The following IKZF3 variants were observed in gnomAD, a reference collection of about 807,000 sequenced individuals.
IKZF3 encodes the protein zinc finger protein Aiolos.
IKZF3 carries 10 observed loss-of-function variants against 49.0 expected under a neutral mutation model. That is an observed-to-expected ratio of 0.20 (90% CI 0.13 to 0.35). The LOEUF is 0.35. Among genes scored for constraint, IKZF3 ranks in the 10% least tolerant of loss-of-function variants. The probability of loss-of-function intolerance (pLI) is 1.00; values close to 1 mark genes in which losing one functional copy is unlikely to be tolerated. For synonymous variants in IKZF3, 209 were observed against 228.2 expected, an observed-to-expected ratio of 0.92 and a Z score of 0.76; for missense variants, 498 against 664.8, an observed-to-expected ratio of 0.75 and a Z score of 2.76.
intron 3 of IKZF3, among the ~76,000 whole-genome samples, chr17:39,824,235 C>G (rs1313794807): frequency 6.6e-6 from 1 of 152,202 alleles, no homozygotes; most frequent in East Asian, 1.9e-4. Flanking sequence ...GGATTCCGGA[C>G]TTGCATGGGG....
At chr17:39,800,382 A>T (rs1324109381) in intron 3 of IKZF3, among the ~76,000 whole-genome samples, 3 of 152,128 alleles carry the variant, frequency 2.0e-5, no homozygotes, top group African/African-American at 4.8e-5. Context: ...GCCTTTTTGT[A>T]CATATGATCT....
intron 1 of IKZF3, among the ~76,000 whole-genome samples, chr17:39,840,141 C>A (rs1403595785): frequency 1.3e-5 from 2 of 152,172 alleles, no homozygotes; most frequent in Non-Finnish European, 2.9e-5. Context: ...GTCACCTTTG[C>A]AGAAGTATAA....
At chr17:39,781,534 C>T (rs958875320) in intron 6 of IKZF3, among the ~76,000 whole-genome samples, 1 of 152,186 alleles carries the variant, frequency 6.6e-6, no homozygotes, top group Non-Finnish European at 1.5e-5. Flanking sequence ...GTGGTCCCTC[C>T]TCTCACTGCC....
intron 3 of IKZF3, among the ~76,000 whole-genome samples, chr17:39,799,052 C>A (rs1462994922): frequency 2.0e-5 from 3 of 151,520 alleles, no homozygotes; most frequent in South Asian, 2.1e-4. Context: ...CACTGCTTAA[C>A]CTGTATCTGT....
chr17:39,863,521 AG>A (rs1408707979), intron 1 of IKZF3, among the ~76,000 whole-genome samples: 1 of 152,194 alleles, frequency 6.6e-6, no homozygotes, highest in Non-Finnish European at 1.5e-5. Flanking sequence ...AGGTATCCCA[AG>A]GAAGTACAGA....
chr17:39,835,399 A>G, intron 1 of IKZF3: 1 of 472,404 alleles, frequency 2.1e-6, no homozygotes, highest in Admixed American at 2.3e-5. Context: ...CCACACATAC[A>G]CAATGGCGGC....
intron 6 of IKZF3, among the ~76,000 whole-genome samples, chr17:39,779,844 T>C (rs975205360): frequency 1.3e-5 from 2 of 152,116 alleles, no homozygotes; most frequent in Admixed American, 1.3e-4. Flanking sequence ...AAATGAACTA[T>C]CCATACATTT....
At chr17:39,814,977 C>G (rs149302787) in intron 3 of IKZF3, among the ~76,000 whole-genome samples, 54 of 152,190 alleles carry the variant, frequency 3.5e-4, no homozygotes, top group African/African-American at 1.2e-3. Context: ...GTACTTTTTA[C>G]CCCTACAGCA....
At chr17:39,821,051 A>C (rs1175207462) in intron 3 of IKZF3, among the ~76,000 whole-genome samples, 1 of 152,064 alleles carries the variant, frequency 6.6e-6, no homozygotes, top group African/African-American at 2.4e-5. Context: ...TAAGTAAAGA[A>C]ACTTTTTGAG....
chr17:39,793,714 AG>A (rs1380194667), intron 3 of IKZF3, among the ~76,000 whole-genome samples: 1 of 152,244 alleles, frequency 6.6e-6, no homozygotes, highest in African/African-American at 2.4e-5. Flanking sequence ...ATTGTGTAAT[AG>A]GACTGGATAG....
Position 39,788,310 on chromosome 17 carries a change from C to T in IKZF3, c.657G>A (p.Glu219=). The change falls in exon 6 of 8, where the codon GAG becomes GAA. Residue 219 remains glutamate, a synonymous_variant. Transcript: ENST00000346872. ...GAAATGTACGGCAGCGCTCCTTGTG[C>T]TCCTCAAGGGAACTTCTCTGCTTGT... ...RSYKQRSSLE[E]HKERCRTFLQ... The T allele has an allele frequency of 2.5e-6, 4 of 1,613,902 alleles. No homozygotes were observed. Among genetic ancestry groups the T allele is most frequent in the Non-Finnish European group, 2.5e-6 (3 of 1,179,864 alleles).
At chr17:39,807,678 C>T (rs1235572544) in intron 3 of IKZF3, among the ~76,000 whole-genome samples, 1 of 148,770 alleles carries the variant, frequency 6.7e-6, no homozygotes, top group African/African-American at 2.5e-5. Context: ...GAGATCCCAT[C>T]TCAAAAATTT....
intron 1 of IKZF3, among the ~76,000 whole-genome samples, chr17:39,848,572 T>C (rs148809406): frequency 1.1e-4 from 16 of 152,306 alleles, no homozygotes; most frequent in African/African-American, 3.6e-4. Context: ...GAGCCAAAAA[T>C]AGAATCATTA....
In IKZF3 at chr17:39,766,009, G is replaced by A. The variant is rs2143564371; in HGVS notation, c.1311C>T (p.Asp437=). The part of the protein sequence containing the change: ...LLKPPPICPR[D]SVKVINKEGE... The stretch of plus-strand genomic sequence containing the variant: ...CTTCCTTGTTGATCACTTTGACGGA[G>A]TCTCTTGGGCAGATGGGCGGGGGCT... The change falls in exon 8 of 8, where the codon GAC becomes GAT. Residue 437 remains aspartate, a synonymous_variant. Transcript: ENST00000346872. 6.2e-7 allele frequency: 1 copy of A among 1,614,222 alleles called. No homozygotes were observed. The highest frequency in any genetic ancestry group is 8.5e-7 in the Non-Finnish European group (1 of 1,180,030).
chr17:39,761,507 A>C lies in IKZF3; in HGVS notation c.*4283T>G, dbSNP rs925788612. The C allele has an allele frequency of 6.6e-6, 1 of 152,048 alleles. No individual in the cohort carries two copies. The highest frequency in any genetic ancestry group is 2.4e-5 in the African/African-American group (1 of 41,332). The allele number at this position is 152,048 out of a possible 1,614,324, so 9.4% of individuals were successfully genotyped here. ...TGAGGCAGGATTGCTTGAGCACAGG[A>C]GTTTGAGTCTGGCCTAGGCAACATA... On this transcript the variant is annotated 3_prime_UTR_variant, in exon 8 of 8. Transcript: ENST00000346872.
At chr17:39,777,293 T>C (rs576294327) in intron 7 of IKZF3, among the ~76,000 whole-genome samples, 15 of 152,338 alleles carry the variant, frequency 9.8e-5, no homozygotes, top group African/African-American at 3.6e-4. Flanking sequence ...AAAATATAAT[T>C]ACAAAAGATT....
At chr17:39,781,517 G>C (rs768006880) in intron 6 of IKZF3, among the ~76,000 whole-genome samples, 1 of 152,158 alleles carries the variant, frequency 6.6e-6, no homozygotes, top group Admixed American at 6.5e-5. Context: ...GTTCTTATTA[G>C]TCTATTGTGG....
At chr17:39,798,538 C>T (rs2061233001) in intron 3 of IKZF3, among the ~76,000 whole-genome samples, 1 of 146,922 alleles carries the variant, frequency 6.8e-6, no homozygotes, top group African/African-American at 2.5e-5. Flanking sequence ...CGGAGTCTTT[C>T]TCTGTCTCTC....
At chr17:39,814,364 C>A (rs886995274) in intron 3 of IKZF3, among the ~76,000 whole-genome samples, 5 of 152,086 alleles carry the variant, frequency 3.3e-5, no homozygotes, top group Admixed American at 3.3e-4. Flanking sequence ...CGATTGATCA[C>A]CACTGCACAA....
Sources: allele counts gnomAD v4.1 joint callset (sites outside exome capture counted in the v4.1 genomes callset), GRCh38; gene constraint gnomAD v4.1.1; transcripts MANE v1.5; gene names NCBI Gene and HGNC (gene_info 2026-07-23, HGNC 2026-07-21).